POTEC: variants seen among roughly 807,000 people sequenced by gnomAD.
The protein encoded by POTEC is ANKRD26-like family B member 2.
POTEC carries 35 observed loss-of-function variants against 62.0 expected under a neutral mutation model. The ratio of observed to expected loss-of-function variants is 0.56; its 90% CI spans 0.43 to 0.75. The LOEUF (loss-of-function observed/expected upper bound fraction) is 0.75. Among genes scored for constraint, POTEC ranks in the 30% least tolerant of loss-of-function variants. The pLI, the probability that POTEC is intolerant of heterozygous loss-of-function variation, is 0.00. For missense variants in POTEC, 472 were observed against 655.9 expected, an observed-to-expected ratio of 0.72 and a Z score of 3.06; for synonymous variants, 156 against 221.5, an observed-to-expected ratio of 0.70 and a Z score of 2.62.
At chr18:14,531,152 T>TCCTTATGG (rs1234412287) in intron 5 of POTEC, among the ~76,000 whole-genome samples, 111 of 152,242 alleles carry the variant, frequency 7.3e-4, no homozygotes, top group African/African-American at 2.6e-3. Context: ...GTTGTCCTAC[T>TCCTTATGG]CCTTATGGCT....
Position 14,510,944 on chromosome 18 carries a change from C to T in POTEC, c.*954G>A, listed in dbSNP as rs1362344396. On this transcript the variant is annotated 3_prime_UTR_variant, in exon 11 of 11. Coordinates refer to ENST00000358970, the MANE Select transcript of POTEC (RefSeq NM_001137671.2). ...GAAACCTCTGTGAGCCAGAGAACAG[C>T]AGTGAAGGTGGCTGGAGACCCTGGT... is the stretch of plus-strand genomic sequence containing the variant. 1 of 152,230 alleles carries T rather than the reference C, an allele frequency of 6.6e-6. No homozygotes were observed. Among genetic ancestry groups the T allele is most frequent in the East Asian group, 1.9e-4 (1 of 5,184 alleles). 9.4% of individuals were successfully genotyped at this position (152,230 alleles called of 1,614,324 possible).
chr18:14,542,380 A>T (rs1427357569), intron 1 of POTEC, among the ~76,000 whole-genome samples: 1 of 152,196 alleles, frequency 6.6e-6, no homozygotes, highest in African/African-American at 2.4e-5. Flanking sequence ...TTGCGAGTTA[A>T]ATCACTTTAA....
At chr18:14,526,291 C>A (rs982881236) in intron 6 of POTEC, among the ~76,000 whole-genome samples, 2 of 152,082 alleles carry the variant, frequency 1.3e-5, no homozygotes, top group Non-Finnish European at 2.9e-5. Context: ...CTTGAGGTAG[C>A]CTTAGGACCT....
rs116353965 is a variant in POTEC at position 14,512,373 on chromosome 18, C to G, written c.1534-380G>C. 6.0e-3 allele frequency among the ~76,000 whole-genome samples: 915 copies of G among 152,326 alleles called. 18 individuals carry two copies. The highest frequency in any genetic ancestry group is 0.058 in the South Asian group (279 of 4,822). Reference sequence around the variant, plus strand: ...CACCATCATAAGAGCCTTAGCTATGCGTATATTAGGACAGAAGCAATTCCT... The same window carrying G: ...CACCATCATAAGAGCCTTAGCTATGGGTATATTAGGACAGAAGCAATTCCT... On this transcript the variant is annotated intron_variant, in intron 10 of 10. Coordinates refer to ENST00000358970, the MANE Select transcript of POTEC (RefSeq NM_001137671.2).
chr18:14,520,979 T>A (rs1004501975), intron 9 of POTEC, among the ~76,000 whole-genome samples: 2 of 152,020 alleles, frequency 1.3e-5, no homozygotes, highest in East Asian at 1.9e-4. Context: ...TCAAAAAAAA[T>A]AAATATATAT....
chr18:14,514,338 C>T (rs912894551), intron 9 of POTEC, among the ~76,000 whole-genome samples: 1 of 151,760 alleles, frequency 6.6e-6, no homozygotes, highest in African/African-American at 2.4e-5. Context: ...CAGAGAGTGG[C>T]TGTAAACAGA....
chr18:14,511,962 A>G lies in POTEC; in HGVS notation c.1565T>C (p.Leu522Pro). Reference sequence around the variant, plus strand: ...CTGCAACATGCTGTTTTCACGCAAGAGATCTTCTTCTTTCTTATGACTAAG... The same window carrying G: ...CTGCAACATGCTGTTTTCACGCAAGGGATCTTCTTCTTTCTTATGACTAAG... Reference protein sequence around the residue: ...LSLSHKKEEDLLRENSMLQEE... With the variant: ...LSLSHKKEEDPLRENSMLQEE... Residue 522 changes from leucine to proline, a missense_variant, in exon 11 of 11, where the codon CTC becomes CCC. Leu to Pro is a moderately conservative substitution (Grantham distance 98, BLOSUM62 -3). Transcript: ENST00000358970. 6.2e-7 allele frequency: 1 copy of G among 1,613,788 alleles called. No homozygotes were observed. Among genetic ancestry groups the G allele is most frequent in the Non-Finnish European group, 8.5e-7 (1 of 1,179,796 alleles).
rs188192656 is a variant in POTEC, at chr18:14,520,457, T to G, written c.1409+1797A>C. ...TAAAAATCAGCCAATTCTAGGACAG[T>G]TGATACTCATCAAATATACAAAGTA... On this transcript the variant is annotated intron_variant, in intron 9 of 10. Transcript: ENST00000358970. 2.7e-3 allele frequency among the ~76,000 whole-genome samples: 416 copies of G among 152,236 alleles called. 3 individuals carry two copies. The highest frequency in any genetic ancestry group is 9.5e-3 in the African/African-American group (393 of 41,544).
chr18:14,513,647 G>C lies in POTEC; in HGVS notation c.1533+15C>G, dbSNP rs1382801477. ...TACACATATGAAAACATTTGAAAAT[G>C]ACTAAAGAAAATACCTCAGAATTCA... On this transcript the variant is annotated intron_variant, in intron 10 of 10. Transcript: ENST00000358970. The C allele has an allele frequency of 1.9e-6, 3 of 1,610,640 alleles. No individual in the cohort carries two copies. The highest frequency in any genetic ancestry group is 2.5e-6 in the Non-Finnish European group (3 of 1,179,600).
At chr18:14,539,202 T>C (rs1285376104) in intron 1 of POTEC, among the ~76,000 whole-genome samples, 1 of 151,876 alleles carries the variant, frequency 6.6e-6, no homozygotes, top group Non-Finnish European at 1.5e-5. Flanking sequence ...TAATCATTCA[T>C]ATTAGGATTT....
chr18:14,541,076 G>A (rs1406667179), intron 1 of POTEC, among the ~76,000 whole-genome samples: 2 of 152,052 alleles, frequency 1.3e-5, no homozygotes, highest in African/African-American at 4.8e-5. Context: ...ATTTTTAGTA[G>A]AAACGGGTTT....
In POTEC at chr18:14,535,015, A is replaced by C. The variant is rs111916843; in HGVS notation, c.811-8T>G. 3 of 1,578,230 alleles carry C rather than the reference A, an allele frequency of 1.9e-6. No individual in the cohort carries two copies. The highest frequency in any genetic ancestry group is 1.8e-5 in the Admixed American group (1 of 55,176). On this transcript the variant is annotated splice_polypyrimidine_tract_variant and splice_region_variant and intron_variant, in intron 3 of 10. Transcript: ENST00000358970. ...AAGTGGTGTGAGGCCACACTGTAAA[A>C]CAATATAAAACAAAAACAATATGTA...
intron 1 of POTEC, among the ~76,000 whole-genome samples, chr18:14,539,895 C>G (rs1036471753): frequency 6.6e-6 from 1 of 151,978 alleles, no homozygotes; most frequent in Non-Finnish European, 1.5e-5. Context: ...TGAGAGATGG[C>G]AGAATATGCC....
At chr18:14,523,347 T>G in intron 8 of POTEC, 116 bp downstream of exon 8, 1 of 1,225,038 alleles carries the variant, frequency 8.2e-7, no homozygotes, top group Non-Finnish European at 1.1e-6. Context: ...AATTTTTCAC[T>G]GGTGATTTAT....
intron 10 of POTEC, 35 bp downstream of exon 10, chr18:14,513,627 A>G (rs1192331710): frequency 1.2e-6 from 2 of 1,605,870 alleles, no homozygotes; most frequent in East Asian, 4.5e-5. Flanking sequence ...ATATATACAC[A>G]TATGAAAACA....
chr18:14,533,913 TTTTTG>T (rs1347378427), intron 4 of POTEC, among the ~76,000 whole-genome samples: 2 of 150,972 alleles, frequency 1.3e-5, no homozygotes, highest in Admixed American at 6.6e-5. Context: ...TTTTTTTTTG[TTTTTG>T]TTTTGTTATT....
chr18:14,543,429 C>A lies in POTEC; in HGVS notation c.-283G>T. On this transcript the variant is annotated 5_prime_UTR_variant, in exon 1 of 11. Coordinates refer to ENST00000358970, the MANE Select transcript of POTEC (RefSeq NM_001137671.2). ...AACACCCAGCCCAGTCAAGGGAATGCCAAACCCAGCAGAGAAAAAGTCAAG... is the reference window on the plus strand; with the variant it reads ...AACACCCAGCCCAGTCAAGGGAATGACAAACCCAGCAGAGAAAAAGTCAAG... The A allele has an allele frequency of 6.9e-6, 4 of 579,662 alleles. No homozygotes were observed. Among genetic ancestry groups the A allele is most frequent in the East Asian group, 3.0e-5 (1 of 32,836 alleles). The allele number at this position is 579,662 out of a possible 1,614,324, so 35.9% of individuals were successfully genotyped here.
chr18:14,534,575 C>T (rs1233435577), intron 4 of POTEC, among the ~76,000 whole-genome samples: 1 of 151,696 alleles, frequency 6.6e-6, no homozygotes, highest in Non-Finnish European at 1.5e-5. Flanking sequence ...TTAAGAAGTT[C>T]AATACTGAGT....
At position 14,519,769 on chromosome 18, in the gene POTEC, G is replaced by A. The variant is rs541187199; in HGVS notation, c.1409+2485C>T. ...AAAGAAGATTGAGGAGTGAGCCCTG[G>A]GAAACAACAATGTCCAAAAGGAGAA... On this transcript the variant is annotated intron_variant, in intron 9 of 10. Coordinates refer to ENST00000358970, the MANE Select transcript of POTEC (RefSeq NM_001137671.2). Among the ~76,000 whole-genome samples, 5 of 151,906 alleles carry A rather than the reference G, an allele frequency of 3.3e-5. No individual in the cohort carries two copies. In the East Asian group the frequency reaches 5.9e-4, roughly 18 times the overall value.
Sources: allele counts gnomAD v4.1 joint callset (sites outside exome capture counted in the v4.1 genomes callset), GRCh38; gene constraint gnomAD v4.1.1; transcripts MANE v1.5; gene names NCBI Gene and HGNC (gene_info 2026-07-23, HGNC 2026-07-21).